The following PRELID2 variants were observed in gnomAD, a reference collection of about 807,000 sequenced individuals.
The protein encoded by PRELID2 is PRELI domain containing 2, also known as PRELI domain-containing protein 2.
PRELID2 carries 25 observed loss-of-function variants against 28.4 expected under a neutral mutation model. That is an observed-to-expected ratio of 0.88 (90% CI 0.64 to 1.23). The LOEUF (loss-of-function observed/expected upper bound fraction) is 1.23, where lower values mean the gene tolerates loss of function less well. PRELID2 is among the 50% of genes most tolerant of loss of function. The pLI, the probability that PRELID2 is intolerant of heterozygous loss-of-function variation, is 0.00. For missense variants in PRELID2, 201 were observed against 214.4 expected (o/e 0.94, Z 0.39); for synonymous variants, 76 against 71.6 (o/e 1.06, Z -0.31).
At chr5:145,742,117 A>ATATAT (rs1756826949) in intron 1 of PRELID2, among the ~76,000 whole-genome samples, 1 of 122,236 alleles carries the variant, frequency 8.2e-6, no homozygotes, top group East Asian at 2.3e-4. Context: ...TATATAAATA[A>ATATAT]AATTTATTAA....
chr5:145,832,308 C>G (rs767289192), intron 1 of PRELID2, among the ~76,000 whole-genome samples: 1 of 152,162 alleles, frequency 6.6e-6, no homozygotes, highest in Non-Finnish European at 1.5e-5. Context: ...CTTAGCCTCC[C>G]GAGTAGCTGG....
At position 145,642,506 on chromosome 5, in the gene PRELID2, G is replaced by C. The variant is rs186508777; in HGVS notation, n.70+122425C>G. ...TGATAGTTTCTTTTGCTGTGCAGAA[G>C]CTCTTTAATTTAATTAGATCTCATT... On this transcript the variant is annotated intron_variant and non_coding_transcript_variant, in intron 1 of 2. Coordinates refer to the PRELID2 transcript ENST00000510259. Among the ~76,000 whole-genome samples, 184 of 152,264 alleles carry C rather than the reference G, an allele frequency of 1.2e-3. 1 individual carries two copies. Among genetic ancestry groups the C allele is most frequent in the African/African-American group, 4.2e-3 (176 of 41,556 alleles).
rs184791838 is a variant in PRELID2, at chr5:145,599,537, C to G, written n.71-126222G>C. Among the ~76,000 whole-genome samples the G allele has an allele frequency of 2.8e-3, 430 of 152,248 alleles. 2 individuals carry two copies. Among genetic ancestry groups the G allele is most frequent in the Non-Finnish European group, 3.9e-3 (264 of 68,014 alleles). On this transcript the variant is annotated intron_variant and non_coding_transcript_variant, in intron 1 of 2. Transcript: ENST00000510259. ...ACTGGAGGAATTCTCATGGTTACCC[C>G]CTTTTCAGCACTGGACTGTTTCTGT...
chr5:145,767,993 G>A (rs921181679), intron 5 of PRELID2, among the ~76,000 whole-genome samples: 4 of 152,032 alleles, frequency 2.6e-5, no homozygotes, highest in Non-Finnish European at 1.5e-5. Flanking sequence ...TTGGGAGGCC[G>A]AGGCAGGTGG....
At chr5:145,513,254 G>A (rs558566822) in intron 1 of PRELID2, among the ~76,000 whole-genome samples, 143 of 151,896 alleles carry the variant, frequency 9.4e-4, no homozygotes, top group African/African-American at 3.2e-3. Flanking sequence ...AAGGTTAGAC[G>A]AATTGCTACC....
chr5:145,574,718 G>A (rs75573842), intron 1 of PRELID2, among the ~76,000 whole-genome samples: 1,689 of 152,284 alleles, frequency 0.011, 31 homozygotes, highest in African/African-American at 0.037. Flanking sequence ...CCCTGAGGAT[G>A]TCAAAATCTG....
the PRELID2 span, among the ~76,000 whole-genome samples, chr5:145,268,984 C>A: frequency 1.3e-5 from 2 of 152,064 alleles, no homozygotes; most frequent in African/African-American, 4.8e-5. Flanking sequence ...CAAAAGTGGG[C>A]AAAACCTCCA....
At chr5:145,470,873 C>T (rs1008979155), downstream of PRELID2, among the ~76,000 whole-genome samples, 1 of 152,080 alleles carries the variant, frequency 6.6e-6, no homozygotes, top group Non-Finnish European at 1.5e-5. Context: ...GTCAAAACAG[C>T]AGCTTGGAAA....
At chr5:145,669,525 ACTTGCTTCTGTT>A (rs1025480167) in intron 1 of PRELID2, among the ~76,000 whole-genome samples, 75 of 152,246 alleles carry the variant, frequency 4.9e-4, no homozygotes, top group African/African-American at 1.8e-3. Context: ...AAACTGAACT[ACTTGCTTCTGTT>A]CTTGCCACCT....
the PRELID2 span, among the ~76,000 whole-genome samples, chr5:145,241,812 A>G: frequency 6.6e-6 from 1 of 152,030 alleles, no homozygotes; most frequent in South Asian, 2.1e-4. Flanking sequence ...TCCCTCTTAC[A>G]CTGACCAGTG....
chr5:145,684,179 T>C (rs571377837), intron 1 of PRELID2, among the ~76,000 whole-genome samples: 3 of 152,192 alleles, frequency 2.0e-5, no homozygotes, highest in Admixed American at 2.0e-4. Context: ...AGGAAGAACA[T>C]GTATGTAGAG....
At chr5:145,823,177 C>G in intron 1 of PRELID2, 43 bp from the exon 2 acceptor site, 1 of 957,964 alleles carries the variant, frequency 1.0e-6, no homozygotes, top group Non-Finnish European at 1.7e-6. Context: ...TAATCTTCTA[C>G]CAAGGTGAAC....
chr5:145,428,419 T>A, the PRELID2 span, among the ~76,000 whole-genome samples: 3 of 152,100 alleles, frequency 2.0e-5, no homozygotes, highest in Admixed American at 1.3e-4. Flanking sequence ...TCTGGAGATA[T>A]TCAAGTAGAA....
the PRELID2 span, among the ~76,000 whole-genome samples, chr5:145,317,655 A>G: frequency 6.6e-6 from 1 of 152,212 alleles, no homozygotes; most frequent in African/African-American, 2.4e-5. Flanking sequence ...TCTCTGTGTC[A>G]TGAGTATCTT....
the PRELID2 span, among the ~76,000 whole-genome samples, chr5:145,286,705 TTTTTTTGTTTGTTTGTTTG>T: frequency 0.062 from 6,755 of 108,326 alleles, 229 homozygotes; most frequent in African/African-American, 0.15. Context: ...AGTTTTTGTT[TTTTTTTGTTTGTTTGTTTG>T]TTTTTTTTTT....
the PRELID2 span, among the ~76,000 whole-genome samples, chr5:145,333,830 A>AAAAG: frequency 6.6e-6 from 1 of 151,770 alleles, no homozygotes; most frequent in African/African-American, 2.4e-5. Context: ...AAAAAAAAAA[A>AAAAG]AAAAAACTCC....
the PRELID2 span, among the ~76,000 whole-genome samples, chr5:145,233,476 C>G: frequency 6.6e-6 from 1 of 152,088 alleles, no homozygotes; most frequent in Non-Finnish European, 1.5e-5. Context: ...TCAAAGAAGA[C>G]GGACTTGGAG....
At chr5:145,590,318 A>C (rs1248480701) in intron 1 of PRELID2, among the ~76,000 whole-genome samples, 1 of 152,180 alleles carries the variant, frequency 6.6e-6, no homozygotes, top group Non-Finnish European at 1.5e-5. Context: ...AATATCCCTT[A>C]GATACTCAAG....
the PRELID2 span, among the ~76,000 whole-genome samples, chr5:145,440,104 T>C: frequency 6.6e-6 from 1 of 152,160 alleles, no homozygotes; most frequent in African/African-American, 2.4e-5. Context: ...AACCCTTCCA[T>C]GAGACTTGGG....
Sources: gnomAD v4.1 joint callset for allele counts (sites outside exome capture counted in the v4.1 genomes callset) on GRCh38, gnomAD v4.1.1 for gene constraint, MANE v1.5 for transcripts, NCBI Gene and HGNC (gene_info 2026-07-23, HGNC 2026-07-21) for gene names.